The following GOLGA1 variants were observed in gnomAD, a reference collection of about 807,000 sequenced individuals.
The protein encoded by GOLGA1 is golgin subfamily A member 1.
In GOLGA1, 63 loss-of-function variants were observed where a neutral mutation model predicts 119.7. The observed-to-expected ratio is 0.53, with a 90% CI of 0.43 to 0.65. The LOEUF is 0.65. Among genes scored for constraint, GOLGA1 ranks in the 30% least tolerant of loss-of-function variants. The pLI is 0.00. For synonymous variants in GOLGA1, 318 were observed against 333.4 expected (o/e 0.95, Z 0.50); for missense variants, 798 against 912.8 (o/e 0.87, Z 1.62).
intron 12 of GOLGA1, among the ~76,000 whole-genome samples, chr9:124,902,212 C>T (rs755138722): frequency 2.4e-4 from 36 of 151,388 alleles, no homozygotes; most frequent in Non-Finnish European, 3.8e-4. Flanking sequence ...CCCGGGTTCA[C>T]GCCATTCTCC....
At position 124,919,015 on chromosome 9, in the gene GOLGA1, G is replaced by C. The variant is rs372031403; in HGVS notation, c.843+2114C>G. On this transcript the variant is annotated intron_variant, in intron 10 of 22. Transcript: ENST00000373555. ...TGTAATCCCAGCACTTTGGGAGGCT[G>C]AGGCGGGTGGATTGCTTGAGCCCAG... Among the ~76,000 whole-genome samples, 199 of 152,238 alleles carry C rather than the reference G, an allele frequency of 1.3e-3. 3 individuals carry two copies. The highest frequency in any genetic ancestry group is 4.4e-3 in the African/African-American group (183 of 41,534).
Position 124,900,481 on chromosome 9 carries a change from C to T in GOLGA1, c.1132G>A (p.Ala378Thr), listed in dbSNP as rs1564329569. 6.3e-7 allele frequency: 1 copy of T among 1,595,964 alleles called. No individual in the cohort carries two copies. The highest frequency in any genetic ancestry group is 2.2e-5 in the East Asian group (1 of 44,778). The part of the protein sequence containing the change: ...EQLQQSKGIV[A>T]AQETQIQELA... The stretch of plus-strand genomic sequence containing the variant: ...TCCTGTATCTGAGTTTCCTGGGCAG[C>T]CACAATGCCCTTGCTCTGTTGGAGC... The change falls in exon 13 of 23, where the codon GCT becomes ACT. Residue 378 changes from alanine to threonine, a missense_variant. Ala to Thr is a moderately conservative substitution (Grantham distance 58). Transcript: ENST00000373555.
rs541620713 is a variant in GOLGA1, at chr9:124,919,943, TTTA to T, written c.843+1183_843+1185del. The stretch of plus-strand genomic sequence containing the variant: ...TACTACTTTATTTTATTTATATTTA[TTTA>T]TTTATTTATTTATTTTATTATTTTT... On this transcript the variant is annotated intron_variant, in intron 10 of 22. Transcript: ENST00000373555. Among the ~76,000 whole-genome samples the T allele has an allele frequency of 3.0e-3, 455 of 151,726 alleles. 2 individuals carry two copies. The highest frequency in any genetic ancestry group is 0.01 in the African/African-American group (422 of 41,394).
rs1829539879 is a variant in GOLGA1 at position 124,880,084 on chromosome 9, T to C, written c.*446A>G. On this transcript the variant is annotated 3_prime_UTR_variant, in exon 23 of 23. Transcript: ENST00000373555. ...AAAAGCCACTCCCATAGAGTTCCCA[T>C]GGAGTTGGCTGTTCCTGGCAGAGGC... The C allele has an allele frequency of 6.4e-6, 1 of 156,058 alleles. No individual in the cohort carries two copies. Among genetic ancestry groups the C allele is most frequent in the African/African-American group, 2.4e-5 (1 of 41,542 alleles). 9.7% of individuals were successfully genotyped at this position (156,058 alleles called of 1,614,324 possible).
chr9:124,898,415 A>G (rs563451574), intron 15 of GOLGA1, 134 bp downstream of exon 15: 5 of 609,960 alleles, frequency 8.2e-6, no homozygotes, highest in Non-Finnish European at 1.4e-5. Flanking sequence ...TTTCTGGCCG[A>G]TGCCTAACAG....
rs529538604 is a variant in GOLGA1, at chr9:124,912,554, G to T, written c.844-528C>A. 2.2e-4 allele frequency among the ~76,000 whole-genome samples: 34 copies of T among 152,160 alleles called. 1 individual carries two copies. Among genetic ancestry groups the T allele is most frequent in the Admixed American group, 1.6e-3 (25 of 15,286 alleles). ...GTTTTATTTCAATCTATTATTTTTG[G>T]TTTTTTGAGACGGAGTGTCGCTCTG... On this transcript the variant is annotated intron_variant, in intron 10 of 22. Transcript: ENST00000373555.
chr9:124,931,299 T>A lies in GOLGA1; in HGVS notation c.226+17A>T. On this transcript the variant is annotated intron_variant, in intron 4 of 22. Coordinates refer to ENST00000373555, the MANE Select transcript of GOLGA1 (RefSeq NM_002077.4). ...CAAGTTTCCTGTTGTTTGCTTTTTATGAGTTCTTAGACATACCAGAAAGTC... is the reference window on the plus strand; with the variant it reads ...CAAGTTTCCTGTTGTTTGCTTTTTAAGAGTTCTTAGACATACCAGAAAGTC... 8.2e-7 allele frequency: 1 copy of A among 1,225,928 alleles called. No homozygotes were observed. The highest frequency in any genetic ancestry group is 1.2e-6 in the Non-Finnish European group (1 of 825,816). 75.9% of individuals were successfully genotyped at this position (1,225,928 alleles called of 1,614,324 possible).
chr9:124,904,911 G>A (rs1830190205), intron 12 of GOLGA1, among the ~76,000 whole-genome samples: 1 of 143,950 alleles, frequency 6.9e-6, no homozygotes, highest in African/African-American at 2.6e-5. Context: ...ACCACTGGAC[G>A]CCAACCCAGG....
At chr9:124,916,885 A>C (rs1422006841) in intron 10 of GOLGA1, among the ~76,000 whole-genome samples, 4 of 149,660 alleles carry the variant, frequency 2.7e-5, no homozygotes, top group African/African-American at 9.7e-5. Context: ...CACAAAAAAA[A>C]AAAAAAAAAA....
chr9:124,890,720 C>A (rs79327267), intron 15 of GOLGA1, among the ~76,000 whole-genome samples: 5 of 152,094 alleles, frequency 3.3e-5, no homozygotes, highest in Non-Finnish European at 2.9e-5. Flanking sequence ...GATTGCCCCA[C>A]GAGCACCCCC....
chr9:124,917,352 A>G (rs1830468208), intron 10 of GOLGA1, among the ~76,000 whole-genome samples: 2 of 152,310 alleles, frequency 1.3e-5, no homozygotes, highest in South Asian at 2.1e-4. Flanking sequence ...TATATACTCA[A>G]TAAAGACAAG....
intron 11 of GOLGA1, among the ~76,000 whole-genome samples, chr9:124,909,603 C>T (rs1184937129): frequency 3.2e-4 from 41 of 126,598 alleles, no homozygotes; most frequent in Non-Finnish European, 5.7e-4. Context: ...AGTGAGACTC[C>T]GTCTCAAAAA....
chr9:124,896,424 A>G (rs1217009463), intron 15 of GOLGA1, among the ~76,000 whole-genome samples: 1 of 152,132 alleles, frequency 6.6e-6, no homozygotes, highest in East Asian at 1.9e-4. Context: ...CATACAAAAA[A>G]CAAAAAGCAA....
At chr9:124,937,155 G>A (rs541431625) in intron 3 of GOLGA1, among the ~76,000 whole-genome samples, 1 of 152,012 alleles carries the variant, frequency 6.6e-6, no homozygotes, top group East Asian at 1.9e-4. Context: ...TTATAAATGA[G>A]TTTTAAAGAA....
At chr9:124,905,171 TAA>T (rs1409900655) in intron 12 of GOLGA1, among the ~76,000 whole-genome samples, 1 of 149,214 alleles carries the variant, frequency 6.7e-6, no homozygotes, top group Non-Finnish European at 1.5e-5. Context: ...TAAAATAAAA[TAA>T]AAATAAATAA....
intron 15 of GOLGA1, among the ~76,000 whole-genome samples, chr9:124,896,722 G>C (rs1289869037): frequency 6.6e-6 from 1 of 152,188 alleles, no homozygotes; most frequent in Non-Finnish European, 1.5e-5. Context: ...CCAGTGGATC[G>C]CTTGAGCACA....
At chr9:124,892,932 C>A (rs1013132736) in intron 15 of GOLGA1, among the ~76,000 whole-genome samples, 613 of 113,968 alleles carry the variant, frequency 5.4e-3, no homozygotes, top group South Asian at 6.8e-3. Context: ...AATTCCATCT[C>A]AAAAAAAAAA....
chr9:124,908,882 C>A (rs1830282363), intron 11 of GOLGA1, among the ~76,000 whole-genome samples: 1 of 152,198 alleles, frequency 6.6e-6, no homozygotes, highest in South Asian at 2.1e-4. Context: ...TACTACTCCT[C>A]AGAAGCCAAA....
rs1457467410 is a variant in GOLGA1 at position 124,879,342 on chromosome 9, GT to G, written c.*1187del. ...AGTAAACGAGGAATCCATAAAACAAGTTTTTGTTGGTTACTACCAGAGTCAT... is the reference window on the plus strand; with the variant it reads ...AGTAAACGAGGAATCCATAAAACAAGTTTTGTTGGTTACTACCAGAGTCAT... On this transcript the variant is annotated 3_prime_UTR_variant, in exon 23 of 23. Transcript: ENST00000373555. 2 of 152,128 alleles carry G rather than the reference GT, an allele frequency of 1.3e-5. No individual in the cohort carries two copies. The highest frequency in any genetic ancestry group is 4.8e-5 in the African/African-American group (2 of 41,422). 9.4% of individuals were successfully genotyped at this position (152,128 alleles called of 1,614,324 possible). A position where few individuals can be genotyped will look rare whatever the true frequency, so the allele number is the denominator to read the frequency against.
Sources: gnomAD v4.1 joint callset for allele counts (sites outside exome capture counted in the v4.1 genomes callset) on GRCh38, gnomAD v4.1.1 for gene constraint, MANE v1.5 for transcripts, NCBI Gene and HGNC (gene_info 2026-07-23, HGNC 2026-07-21) for gene names.